CNTNAP5: variants seen among roughly 807,000 people sequenced by gnomAD.
CNTNAP5 encodes the protein contactin associated protein family member 5, also known as contactin-associated protein-like 5.
In CNTNAP5, 72 loss-of-function variants were observed where a neutral mutation model predicts 150.2. That is an observed-to-expected ratio of 0.48 (90% CI 0.40 to 0.58). The LOEUF (loss-of-function observed/expected upper bound fraction) is 0.58. CNTNAP5 is among the 20% of genes least tolerant of loss of function. The pLI is 0.00. For synonymous variants in CNTNAP5, 672 were observed against 619.8 expected (o/e 1.08, Z -1.25); for missense variants, 1,636 against 1,626.2 (o/e 1.01, Z -0.10).
At chr2:124,687,287 A>G (rs1679211888) in intron 13 of CNTNAP5, among the ~76,000 whole-genome samples, 1 of 151,910 alleles carries the variant, frequency 6.6e-6, no homozygotes, top group South Asian at 2.1e-4. Flanking sequence ...GGGAGTCTGG[A>G]TTAGGTAGTG....
At chr2:124,268,821 C>T (rs1414488949) in intron 3 of CNTNAP5, among the ~76,000 whole-genome samples, 2 of 152,282 alleles carry the variant, frequency 1.3e-5, no homozygotes, top group Non-Finnish European at 2.9e-5. Flanking sequence ...GAGTCCTTCA[C>T]AGGCCCACAA....
intron 21 of CNTNAP5, among the ~76,000 whole-genome samples, chr2:124,886,351 T>C (rs1467624657): frequency 6.6e-6 from 1 of 152,074 alleles, no homozygotes; most frequent in South Asian, 2.1e-4. Context: ...TCTGCACTCA[T>C]AGAGCACTGT....
chr2:124,797,939 C>T (rs951327412), intron 18 of CNTNAP5, among the ~76,000 whole-genome samples, 157 bp from the exon 19 acceptor site: 14 of 152,180 alleles, frequency 9.2e-5, no homozygotes, highest in African/African-American at 3.4e-4. Context: ...ATAGTGACTT[C>T]TGCCACTTCA....
At chr2:124,641,034 G>C (rs1678081153) in intron 12 of CNTNAP5, among the ~76,000 whole-genome samples, 1 of 147,670 alleles carries the variant, frequency 6.8e-6, no homozygotes, top group South Asian at 2.1e-4. Flanking sequence ...GCTGAGGCAA[G>C]AGAATTGCTT....
intron 3 of CNTNAP5, among the ~76,000 whole-genome samples, chr2:124,262,952 A>T (rs1480829977): frequency 1.3e-5 from 2 of 151,990 alleles, no homozygotes; most frequent in Non-Finnish European, 2.9e-5. Context: ...TTCCAGCTTC[A>T]TCCATGTCCC....
chr2:124,153,603 C>CTTTTTTTTT (rs948493792), intron 1 of CNTNAP5, among the ~76,000 whole-genome samples: 1 of 85,096 alleles, frequency 1.2e-5, no homozygotes. Context: ...CCCCCCGGGA[C>CTTTTTTTTT]TTTTTTTTTT....
chr2:124,297,814 TTATTATTATTA>T lies in CNTNAP5; in HGVS notation c.381+55423_381+55433del, dbSNP rs1688476281. ...CAGGCAATCCACATCCAATTATTTA[TTATTATTATTA>T]TTATTATTATTATTATTATTATTAT... On this transcript the variant is annotated intron_variant, in intron 3 of 23. Transcript: ENST00000682447. Among the ~76,000 whole-genome samples the T allele has an allele frequency of 1.8e-3, 28 of 15,414 alleles. 1 individual carries two copies. Among genetic ancestry groups the T allele is most frequent in the Admixed American group, 4.5e-3 (21 of 4,708 alleles). The allele number at this position is 15,414 out of a possible 152,430, so 10.1% of individuals were successfully genotyped here.
At chr2:124,466,069 T>A (rs965518004) in intron 6 of CNTNAP5, among the ~76,000 whole-genome samples, 1 of 152,158 alleles carries the variant, frequency 6.6e-6, no homozygotes, top group African/African-American at 2.4e-5. Flanking sequence ...CCATTTTTCA[T>A]GCTTCCACCA....
intron 19 of CNTNAP5, among the ~76,000 whole-genome samples, chr2:124,804,191 G>A (rs764813401): frequency 1.3e-5 from 2 of 152,148 alleles, no homozygotes; most frequent in Non-Finnish European, 2.9e-5. Context: ...GAGGTTATGA[G>A]ACACTGTGAC....
intron 21 of CNTNAP5, among the ~76,000 whole-genome samples, chr2:124,871,297 C>T (rs1677742737): frequency 1.1e-5 from 1 of 94,540 alleles, no homozygotes; most frequent in South Asian, 2.6e-4. Flanking sequence ...TATTTATTTT[C>T]CTGAACAAAA....
intron 9 of CNTNAP5, among the ~76,000 whole-genome samples, chr2:124,526,129 A>T (rs1694961620): frequency 6.6e-6 from 1 of 152,238 alleles, no homozygotes; most frequent in African/African-American, 2.4e-5. Context: ...CCTCAGAGAC[A>T]AAATGGCTCT....
intron 3 of CNTNAP5, among the ~76,000 whole-genome samples, chr2:124,358,904 G>A (rs1355104630): frequency 2.7e-5 from 4 of 148,918 alleles, no homozygotes; most frequent in East Asian, 2.0e-4. Flanking sequence ...TGTACCTCTG[G>A]TAGAATTCGG....
chr2:124,036,204 G>A (rs1453984989), intron 1 of CNTNAP5, among the ~76,000 whole-genome samples: 6 of 152,072 alleles, frequency 3.9e-5, no homozygotes, highest in Non-Finnish European at 8.8e-5. Flanking sequence ...GATTACAGGC[G>A]TGAGCCACCG....
chr2:124,292,792 C>T (rs780018), intron 3 of CNTNAP5, among the ~76,000 whole-genome samples: 45,241 of 151,870 alleles, frequency 0.3, 7,264 homozygotes, highest in Admixed American at 0.38. Context: ...CTGAATTTTG[C>T]AGAGATCTCA....
intron 1 of CNTNAP5, among the ~76,000 whole-genome samples, chr2:124,118,685 T>C (rs1423499958): frequency 2.0e-5 from 3 of 152,164 alleles, no homozygotes; most frequent in African/African-American, 4.8e-5. Context: ...AGAGCTGCTA[T>C]GTGACAGAGA....
chr2:124,853,644 C>T (rs997743898), intron 19 of CNTNAP5, among the ~76,000 whole-genome samples: 1 of 152,090 alleles, frequency 6.6e-6, no homozygotes, highest in Non-Finnish European at 1.5e-5. Context: ...TTTCTAATTA[C>T]CTCCACGCAT....
chr2:124,686,122 A>G (rs1453175449), intron 13 of CNTNAP5, among the ~76,000 whole-genome samples: 1 of 152,158 alleles, frequency 6.6e-6, no homozygotes, highest in Non-Finnish European at 1.5e-5. Context: ...AAATAGAGAC[A>G]GTAGTGTCTG....
chr2:124,147,588 A>C (rs1024413997), intron 1 of CNTNAP5, among the ~76,000 whole-genome samples: 1 of 152,260 alleles, frequency 6.6e-6, no homozygotes, highest in Non-Finnish European at 1.5e-5. Flanking sequence ...ATAACATTTC[A>C]TATTTATTGC....
At chr2:124,908,581 T>C (rs1005991136) in intron 22 of CNTNAP5, among the ~76,000 whole-genome samples, 4 of 152,130 alleles carry the variant, frequency 2.6e-5, no homozygotes, top group Non-Finnish European at 5.9e-5. Flanking sequence ...AAGGTCCTAG[T>C]ACAACGCCTT....
Sources: gnomAD v4.1 joint callset for allele counts (sites outside exome capture counted in the v4.1 genomes callset) on GRCh38, gnomAD v4.1.1 for gene constraint, MANE v1.5 for transcripts, NCBI Gene and HGNC (gene_info 2026-07-23, HGNC 2026-07-21) for gene names.